Variants in DENND2A observed in about 807,000 individuals in gnomAD.
The protein encoded by DENND2A is DENN domain containing 2A.
In DENND2A, 53 loss-of-function variants were observed where a neutral mutation model predicts 105.3. The observed-to-expected ratio is 0.50, with a 90% CI of 0.40 to 0.63. The LOEUF is 0.63. Ranked by LOEUF, DENND2A falls within the 30% of genes least tolerant of loss-of-function variation. The probability of loss-of-function intolerance (pLI) is 0.00; values close to 1 mark genes in which losing one functional copy is unlikely to be tolerated. For synonymous variants in DENND2A, 522 were observed against 508.4 expected, an observed-to-expected ratio of 1.03 and a Z score of -0.36; for missense variants, 1,138 against 1,279.6, an observed-to-expected ratio of 0.89 and a Z score of 1.69.
chr7:140,589,359 C>T (rs974878047), intron 3 of DENND2A, among the ~76,000 whole-genome samples: 7 of 152,220 alleles, frequency 4.6e-5, no homozygotes, highest in South Asian at 4.1e-4. Flanking sequence ...CAGTACTGTG[C>T]GATACCCAGG....
chr7:140,533,402 C>G (rs1796337802), intron 14 of DENND2A, among the ~76,000 whole-genome samples: 1 of 152,134 alleles, frequency 6.6e-6, no homozygotes, highest in South Asian at 2.1e-4. Flanking sequence ...CTGTACAGCC[C>G]TTTGTGACTC....
At chr7:140,544,893 AG>A in intron 13 of DENND2A, 127 bp from the exon 14 acceptor site, 1 of 1,466,692 alleles carries the variant, frequency 6.8e-7, no homozygotes, top group Admixed American at 2.7e-5. Flanking sequence ...GAAAAGGGAA[AG>A]AAAAAAAGCA....
chr7:140,527,311 A>T lies in DENND2A; in HGVS notation c.2505+7T>A, dbSNP rs776034788. 3.8e-6 allele frequency: 6 copies of T among 1,574,016 alleles called. No homozygotes were observed. The highest frequency in any genetic ancestry group is 5.2e-6 in the Non-Finnish European group (6 of 1,160,970). On this transcript the variant is annotated splice_region_variant and intron_variant, in intron 15 of 19. Transcript: ENST00000496613. The surrounding 1 kb of genome is among the most constrained non-coding windows in gnomAD (Gnocchi z 4.9). ...AGGGAGGGGGACAGGGCTGAGTGGG[A>T]GCTCACCTCTTCCAGCGGCAGCTCC...
intron 3 of DENND2A, among the ~76,000 whole-genome samples, chr7:140,596,554 A>G (rs1398514194): frequency 6.6e-6 from 1 of 152,230 alleles, no homozygotes; most frequent in Non-Finnish European, 1.5e-5. Context: ...TATGGAATCA[A>G]TAACAGCACA....
intron 18 of DENND2A, among the ~76,000 whole-genome samples, chr7:140,521,087 G>A (rs1393568810): frequency 2.0e-5 from 3 of 151,588 alleles, no homozygotes; most frequent in Admixed American, 2.0e-4. Flanking sequence ...CGTTGGCCAG[G>A]TTGATTTCCA....
intron 5 of DENND2A, among the ~76,000 whole-genome samples, chr7:140,581,386 T>C (rs1471497438): frequency 2.0e-5 from 3 of 152,246 alleles, no homozygotes; most frequent in Non-Finnish European, 4.4e-5. Context: ...TGGTCCTTTC[T>C]GAGGAGAGCC....
intron 14 of DENND2A, among the ~76,000 whole-genome samples, chr7:140,540,602 C>T (rs956551536): frequency 2.0e-5 from 3 of 152,234 alleles, no homozygotes; most frequent in Non-Finnish European, 4.4e-5. Flanking sequence ...GACAGCAGCT[C>T]TGTGGGAGGG....
chr7:140,553,066 G>T (rs1797203681), intron 12 of DENND2A, among the ~76,000 whole-genome samples: 1 of 152,066 alleles, frequency 6.6e-6, no homozygotes, highest in South Asian at 2.1e-4. Flanking sequence ...AAGACACAGA[G>T]ACAAAGTATA....
chr7:140,637,356 A>G (rs1253530427), intron 1 of DENND2A, among the ~76,000 whole-genome samples: 1 of 152,248 alleles, frequency 6.6e-6, no homozygotes, highest in East Asian at 1.9e-4. Flanking sequence ...TAAAGTTTAA[A>G]GGGCACATTA....
At chr7:140,537,289 T>C (rs1293839799) in intron 14 of DENND2A, among the ~76,000 whole-genome samples, 1 of 152,208 alleles carries the variant, frequency 6.6e-6, no homozygotes, top group African/African-American at 2.4e-5. Flanking sequence ...CAGCTACATA[T>C]GAACTTATTT....
chr7:140,554,936 C>T (rs369386320), intron 12 of DENND2A, among the ~76,000 whole-genome samples: 4 of 152,148 alleles, frequency 2.6e-5, no homozygotes, highest in Admixed American at 1.3e-4. Flanking sequence ...CACATATGTA[C>T]GTGGGTACAC....
chr7:140,562,040 C>A (rs1797638188), intron 9 of DENND2A, among the ~76,000 whole-genome samples: 3 of 151,766 alleles, frequency 2.0e-5, no homozygotes, highest in African/African-American at 7.3e-5. Flanking sequence ...CAGGTGCCTG[C>A]CACCACGCCT....
intron 9 of DENND2A, among the ~76,000 whole-genome samples, chr7:140,560,752 G>T (rs1829769): frequency 2.0e-5 from 3 of 152,000 alleles, no homozygotes; most frequent in East Asian, 1.9e-4. Flanking sequence ...GCCAACATGG[G>T]GAGACCCCGT....
intron 9 of DENND2A, among the ~76,000 whole-genome samples, chr7:140,562,782 T>C (rs1797684600): frequency 6.6e-6 from 1 of 152,326 alleles, no homozygotes; most frequent in Admixed American, 6.5e-5. Flanking sequence ...AAGACAGCAA[T>C]CAATCGGTAA....
rs747441467 is a variant in DENND2A, at chr7:140,522,039, C to G, written c.2727G>C (p.Glu909Asp). The change falls in exon 18 of 20, where the codon GAG (glutamate) becomes GAC (aspartate). Residue 909 changes from glutamate (E) to aspartate (D), a missense_variant. By Grantham distance (45) the Glu-to-Asp change is conservative. This residue lies in a region of DENND2A where 627 missense variants were observed against 779.8 expected (regional missense o/e 0.80). Coordinates refer to ENST00000496613, the MANE Select transcript of DENND2A (RefSeq NM_015689.5). ...GGAACAAAGAGTAGTGTCCCACAAT[C>G]TCCACGAAGAAGCGGACAAAGGCTT... ...VSEAFVRFFV[E>D]IVGHYSLFLT... The G allele has an allele frequency of 6.2e-7, 1 of 1,614,196 alleles. No homozygotes were observed. Among genetic ancestry groups the G allele is most frequent in the Non-Finnish European group, 8.5e-7 (1 of 1,180,038 alleles).
At position 140,544,749 on chromosome 7, in the gene DENND2A, G is replaced by A; in HGVS notation, c.2196C>T (p.Arg732=). The stretch of plus-strand genomic sequence containing the variant: ...CGTGCTCGAGCCGGGAGTCCAGCGG[G>A]CGGCACAGTTCGATCACCTGCCAGG... The part of the protein sequence containing the change: ...GSGTEVIELC[R]PLDSRLEHVD... Residue 732 remains arginine, a synonymous_variant, in exon 14 of 20, where the codon CGC becomes CGT. Coordinates refer to ENST00000496613, the MANE Select transcript of DENND2A (RefSeq NM_015689.5). 6.3e-7 allele frequency: 1 copy of A among 1,589,754 alleles called. No homozygotes were observed. Among genetic ancestry groups the A allele is most frequent in the Non-Finnish European group, 8.6e-7 (1 of 1,168,158 alleles).
At chr7:140,624,469 G>A (rs750881535) in intron 1 of DENND2A, among the ~76,000 whole-genome samples, 1 of 152,204 alleles carries the variant, frequency 6.6e-6, no homozygotes, top group African/African-American at 2.4e-5. Flanking sequence ...CGCCAGGGCT[G>A]CAGGTGACAA....
chr7:140,592,879 A>C (rs1184038527), intron 3 of DENND2A, among the ~76,000 whole-genome samples: 1 of 152,168 alleles, frequency 6.6e-6, no homozygotes, highest in Non-Finnish European at 1.5e-5. Flanking sequence ...CTGGGATTAC[A>C]GGTGTGAGCC....
At chr7:140,519,344 C>G (rs575309745) in intron 19 of DENND2A, among the ~76,000 whole-genome samples, 56 of 152,338 alleles carry the variant, frequency 3.7e-4, no homozygotes, top group African/African-American at 1.3e-3. Flanking sequence ...GCCATGCTCC[C>G]TCAGCTCAGT....
Sources: allele counts gnomAD v4.1 joint callset (sites outside exome capture counted in the v4.1 genomes callset), GRCh38; gene constraint gnomAD v4.1.1; regional missense constraint gnomAD v4.1.1; non-coding constraint Gnocchi (gnomAD v3.1); transcripts MANE v1.5; gene names NCBI Gene and HGNC (gene_info 2026-07-23, HGNC 2026-07-21).